The following PRDM5 variants were observed in gnomAD, a reference collection of about 807,000 sequenced individuals.
PRDM5 encodes the protein PR domain zinc finger protein 5.
PRDM5 carries 56 observed loss-of-function variants against 81.2 expected under a neutral mutation model. The observed-to-expected ratio is 0.69, with a 90% CI of 0.56 to 0.86. The LOEUF is 0.86. Among genes scored for constraint, PRDM5 ranks in the 40% least tolerant of loss-of-function variants. The pLI, the probability that PRDM5 is intolerant of heterozygous loss-of-function variation, is 0.00. For synonymous variants in PRDM5, 267 were observed against 256.4 expected, an observed-to-expected ratio of 1.04 and a Z score of -0.39; for missense variants, 697 against 770.1, an observed-to-expected ratio of 0.91 and a Z score of 1.12.
chr4:120,807,888 G>C (rs1753219140), intron 8 of PRDM5, among the ~76,000 whole-genome samples: 1 of 152,120 alleles, frequency 6.6e-6, no homozygotes, highest in African/African-American at 2.4e-5. Context: ...CTTCTGGTGG[G>C]TTCATGGTCT....
At chr4:120,815,415 A>C (rs1754355188) in intron 7 of PRDM5, among the ~76,000 whole-genome samples, 1 of 152,206 alleles carries the variant, frequency 6.6e-6, no homozygotes, top group African/African-American at 2.4e-5. Flanking sequence ...CTTCCACCAC[A>C]CAGAGCTTTC....
At chr4:120,707,780 T>C (rs1736416768) in intron 15 of PRDM5, among the ~76,000 whole-genome samples, 1 of 152,108 alleles carries the variant, frequency 6.6e-6, no homozygotes. Flanking sequence ...GCATGTCATA[T>C]ATCTGATAAG....
chr4:120,786,573 A>G (rs546355462), intron 10 of PRDM5, among the ~76,000 whole-genome samples: 47 of 152,276 alleles, frequency 3.1e-4, no homozygotes, highest in African/African-American at 1.1e-3. Flanking sequence ...CACCTCCTAC[A>G]ATAAGATAAA....
chr4:120,801,150 C>T (rs1752064502), intron 8 of PRDM5, among the ~76,000 whole-genome samples: 1 of 152,122 alleles, frequency 6.6e-6, no homozygotes, highest in South Asian at 2.1e-4. Context: ...CACTAAAGGT[C>T]CAGCTCACAA....
intron 2 of PRDM5, among the ~76,000 whole-genome samples, chr4:120,906,305 G>A (rs1306992670): frequency 6.6e-6 from 1 of 152,108 alleles, no homozygotes; most frequent in Non-Finnish European, 1.5e-5. Context: ...GCTTGCCACT[G>A]TCTTCCAATT....
chr4:120,707,526 T>C (rs1736365270), intron 15 of PRDM5, among the ~76,000 whole-genome samples: 1 of 151,216 alleles, frequency 6.6e-6, no homozygotes, highest in Non-Finnish European at 1.5e-5. Flanking sequence ...CCTTATACCA[T>C]ATATAAGAGC....
chr4:120,715,304 T>G (rs1737589190), intron 14 of PRDM5, among the ~76,000 whole-genome samples: 1 of 152,192 alleles, frequency 6.6e-6, no homozygotes, highest in Admixed American at 6.5e-5. Flanking sequence ...TAAGTGCTCC[T>G]TATAGGGCCT....
rs766827272 is a variant in PRDM5 at position 120,710,380 on chromosome 4, C to A, written c.1657G>T (p.Ala553Ser). 6.2e-7 allele frequency: 1 copy of A among 1,614,044 alleles called. No homozygotes were observed. Among genetic ancestry groups the A allele is most frequent in the East Asian group, 2.2e-5 (1 of 44,866 alleles). ...KPYKCSECSK[A>S]FSQKRGLDEH... ...TCCAGGCCTCGCTTCTGGCTGAAGG[C>A]CTTGCTGCACTCTGAGCACTTGTAC... Residue 553 changes from alanine (A) to serine (S), a missense_variant, in exon 15 of 16, where the codon GCC becomes TCC. Physicochemically the swap from Ala to Ser is moderately conservative, Grantham distance 99. Around this residue, in one of 3 missense-constraint regions of PRDM5, gnomAD observed 86 missense variants for 135.2 expected, o/e 0.64. Coordinates refer to ENST00000264808, the MANE Select transcript of PRDM5 (RefSeq NM_018699.4).
intron 15 of PRDM5, among the ~76,000 whole-genome samples, chr4:120,709,146 T>C (rs1736599632): frequency 6.6e-6 from 1 of 152,184 alleles, no homozygotes; most frequent in South Asian, 2.1e-4. Flanking sequence ...GAGTTAAATG[T>C]CATGGTAGAA....
chr4:120,774,139 G>T (rs1216900978), intron 13 of PRDM5, among the ~76,000 whole-genome samples: 2 of 152,138 alleles, frequency 1.3e-5, no homozygotes, highest in African/African-American at 4.8e-5. Flanking sequence ...GAATGGTATG[G>T]AGTGATGAGG....
At chr4:120,907,377 C>G in intron 2 of PRDM5, 97 bp downstream of exon 2, 2 of 844,030 alleles carry the variant, frequency 2.4e-6, no homozygotes, top group South Asian at 2.9e-5. Context: ...TACTTAAATA[C>G]TTAACTGGAA....
rs1265592577 is a variant in PRDM5, at chr4:120,907,548, A to G, written c.103T>C (p.Phe35Leu). ...CTCTTCTCTCCAGCAAAGGGTCCGA[A>G]CTTTTCACCCTGAGTAGCAATGATT... The part of the protein sequence containing the change: ...TARRVRKGEK[F>L]GPFAGEKRMP... The change falls in exon 2 of 16, where the codon TTC becomes CTC. Residue 35 changes from phenylalanine (F) to leucine (L), a missense_variant. Phe to Leu is a conservative substitution (Grantham distance 22). Around this residue, in one of 3 missense-constraint regions of PRDM5, gnomAD observed 577 missense variants for 606.7 expected, o/e 0.95. Transcript: ENST00000264808. The G allele has an allele frequency of 1.9e-6, 3 of 1,610,068 alleles. No homozygotes were observed. The African/African-American group carries it at 4.0e-5, about 21-fold the overall frequency.
intron 9 of PRDM5, 113 bp from the exon 10 acceptor site, chr4:120,798,537 A>G: frequency 2.2e-6 from 2 of 912,366 alleles, no homozygotes; most frequent in Non-Finnish European, 1.7e-6. Context: ...AAGGATGGTC[A>G]AACAACTAAA....
chr4:120,751,366 C>T (rs559039009), intron 14 of PRDM5, among the ~76,000 whole-genome samples: 47 of 150,254 alleles, frequency 3.1e-4, no homozygotes, highest in Admixed American at 8.6e-4. Flanking sequence ...AGAAAAACAC[C>T]GAGATTTTTT....
chr4:120,849,210 A>C (rs1758985221), intron 3 of PRDM5, among the ~76,000 whole-genome samples: 1 of 152,148 alleles, frequency 6.6e-6, no homozygotes, highest in Admixed American at 6.5e-5. Context: ...AGAATGTCTT[A>C]TCTGTGCTTG....
At chr4:120,803,740 T>C (rs1002265046) in intron 8 of PRDM5, among the ~76,000 whole-genome samples, 1 of 152,186 alleles carries the variant, frequency 6.6e-6, no homozygotes, top group African/African-American at 2.4e-5. Flanking sequence ...TACCAGCCAC[T>C]GCAAAAACAT....
intron 1 of PRDM5, among the ~76,000 whole-genome samples, chr4:120,918,001 G>T (rs1479716841): frequency 6.6e-6 from 1 of 152,094 alleles, no homozygotes; most frequent in African/African-American, 2.4e-5. Flanking sequence ...CAGGTTTATT[G>T]CAGGACTTCA....
At chr4:120,708,994 T>TA (rs1736579103) in intron 15 of PRDM5, among the ~76,000 whole-genome samples, 1 of 152,102 alleles carries the variant, frequency 6.6e-6, no homozygotes, top group Non-Finnish European at 1.5e-5. Flanking sequence ...TTCAGAATTT[T>TA]AAACACATCA....
intron 3 of PRDM5, among the ~76,000 whole-genome samples, chr4:120,830,448 T>C (rs1018122076): frequency 2.6e-5 from 4 of 152,150 alleles, no homozygotes; most frequent in Non-Finnish European, 5.9e-5. Context: ...GACAGAGTCA[T>C]AGCCTCTGGC....
Sources: gnomAD v4.1 joint callset for allele counts (sites outside exome capture counted in the v4.1 genomes callset) on GRCh38, gnomAD v4.1.1 for gene constraint, gnomAD v4.1.1 regional missense constraint, MANE v1.5 for transcripts, NCBI Gene and HGNC (gene_info 2026-07-23, HGNC 2026-07-21) for gene names.